Variants in CREB3L2 observed in about 807,000 individuals in gnomAD.
The protein encoded by CREB3L2 is cyclic AMP-responsive element-binding protein 3-like protein 2.
Under a neutral mutation model 57.2 loss-of-function variants are expected in CREB3L2, and 23 were observed. The observed-to-expected ratio is 0.40, with a 90% CI of 0.29 to 0.57. The LOEUF (loss-of-function observed/expected upper bound fraction) is 0.57. Ranked by LOEUF, CREB3L2 falls within the 20% of genes least tolerant of loss-of-function variation. The pLI is 0.42. For missense variants in CREB3L2, 628 were observed against 634.7 expected, an observed-to-expected ratio of 0.99 and a Z score of 0.11; for synonymous variants, 268 against 265.1, an observed-to-expected ratio of 1.01 and a Z score of -0.11.
Position 137,875,880 on chromosome 7 carries a change from C to G in CREB3L2, c.*4596G>C, listed in dbSNP as rs1799138406. 4.5e-6 allele frequency: 1 copy of G among 224,712 alleles called. No homozygotes were observed. The highest frequency in any genetic ancestry group is 2.2e-5 in the African/African-American group (1 of 44,864). The allele number at this position is 224,712 out of a possible 1,614,324, so 13.9% of individuals were successfully genotyped here. ...AGAAACCAAGGCTAAATAAAACATT[C>G]CTGAATTTTATGTTGTCCAAAATAA... On this transcript the variant is annotated 3_prime_UTR_variant, in exon 12 of 12. Coordinates refer to ENST00000330387, the MANE Select transcript of CREB3L2 (RefSeq NM_194071.4).
intron 4 of CREB3L2, among the ~76,000 whole-genome samples, chr7:137,912,651 AG>A (rs1472448604): frequency 6.6e-6 from 1 of 152,196 alleles, no homozygotes; most frequent in African/African-American, 2.4e-5. Context: ...GGGGCTACGT[AG>A]GGTTCACGCC....
chr7:137,888,423 C>A (rs951487269), intron 8 of CREB3L2, among the ~76,000 whole-genome samples: 1 of 152,128 alleles, frequency 6.6e-6, no homozygotes, highest in Non-Finnish European at 1.5e-5. Flanking sequence ...TCTCCCAGGA[C>A]TTCCCCAGAA....
intron 1 of CREB3L2, among the ~76,000 whole-genome samples, chr7:137,972,708 A>ACAAAACAAAAC (rs1554503522): frequency 2.3e-5 from 1 of 42,830 alleles, no homozygotes; most frequent in African/African-American, 1.2e-4. Context: ...AAAAAAAAAA[A>ACAAAACAAAAC]AAAAATATAT....
At chr7:137,940,108 T>G (rs1800855803) in intron 1 of CREB3L2, among the ~76,000 whole-genome samples, 1 of 152,220 alleles carries the variant, frequency 6.6e-6, no homozygotes, top group Non-Finnish European at 1.5e-5. Context: ...TAAGGAAATT[T>G]GGAGGGTTTT....
rs780317387 is a variant in CREB3L2 at position 137,882,490 on chromosome 7, T to C, written c.1409A>G (p.Asp470Gly). 8 of 1,613,878 alleles carry C rather than the reference T, an allele frequency of 5.0e-6. No homozygotes were observed. The South Asian group carries it at 8.8e-5, about 18-fold the overall frequency. ...GATAATGAAATGGGGAAGATCCACA[T>C]CCGGCCTGGACTCCAGCCCTGACAC... ...LRVSGLESRP[D>G]VDLPHFIISN... The change falls in exon 11 of 12, where the codon GAT becomes GGT. Residue 470 changes from aspartate (D) to glycine (G), a missense_variant. Physicochemically the swap from Asp to Gly is moderately conservative, Grantham distance 94. Coordinates refer to ENST00000330387, the MANE Select transcript of CREB3L2 (RefSeq NM_194071.4).
chr7:137,878,132 A>G lies in CREB3L2; in HGVS notation c.*2344T>C, dbSNP rs950730867. 4.8e-5 allele frequency: 11 copies of G among 230,674 alleles called. No homozygotes were observed. The highest frequency in any genetic ancestry group is 7.7e-5 in the Non-Finnish European group (9 of 116,594). The allele number at this position is 230,674 out of a possible 1,614,324, so 14.3% of individuals were successfully genotyped here. Reference sequence around the variant, plus strand: ...TCCTGCTGTTTGGAGGTCGAGAGAGAGTGACGTCAAGCAAGCGTAGTAAGG... The same window carrying G: ...TCCTGCTGTTTGGAGGTCGAGAGAGGGTGACGTCAAGCAAGCGTAGTAAGG... On this transcript the variant is annotated 3_prime_UTR_variant, in exon 12 of 12. Transcript: ENST00000330387.
At chr7:137,975,062 T>C (rs1326921239) in intron 1 of CREB3L2, among the ~76,000 whole-genome samples, 1 of 152,158 alleles carries the variant, frequency 6.6e-6, no homozygotes, top group African/African-American at 2.4e-5. Flanking sequence ...TTTTAGAAAG[T>C]TGCATGAATC....
rs1366868573 is a variant in CREB3L2 at position 137,875,382 on chromosome 7, G to A, written c.*5094C>T. Reference sequence around the variant, plus strand: ...TTTATCTGAAAAGGTGATTTTCTAAGTAGTGTAAGCCATGGGTACATGGTG... The same window carrying A: ...TTTATCTGAAAAGGTGATTTTCTAAATAGTGTAAGCCATGGGTACATGGTG... On this transcript the variant is annotated 3_prime_UTR_variant, in exon 12 of 12. Coordinates refer to ENST00000330387, the MANE Select transcript of CREB3L2 (RefSeq NM_194071.4). The A allele has an allele frequency of 4.5e-6, 1 of 219,922 alleles. No individual in the cohort carries two copies. The highest frequency in any genetic ancestry group is 2.2e-5 in the African/African-American group (1 of 44,592). 13.6% of individuals were successfully genotyped at this position (219,922 alleles called of 1,614,324 possible). A position where few individuals can be genotyped will look rare whatever the true frequency, so the allele number is the denominator to read the frequency against.
At chr7:137,933,845 C>T (rs754519760) in intron 1 of CREB3L2, 1 of 152,262 alleles carries the variant, frequency 6.6e-6, no homozygotes, top group Non-Finnish European at 1.5e-5. Context: ...GCAGACAGGT[C>T]AACATCCCAT....
intron 1 of CREB3L2, among the ~76,000 whole-genome samples, chr7:137,992,119 G>A (rs1319413497): frequency 2.0e-5 from 3 of 151,990 alleles, no homozygotes; most frequent in Admixed American, 6.6e-5. Context: ...TCAAAAGCAG[G>A]CAATTCAACA....
At chr7:137,898,148 TATATGA>T (rs1464536004) in intron 8 of CREB3L2, among the ~76,000 whole-genome samples, 12 of 152,156 alleles carry the variant, frequency 7.9e-5, no homozygotes, top group African/African-American at 2.7e-4. Flanking sequence ...GGTCAACTGG[TATATGA>T]ATAGGTGCTC....
chr7:137,938,525 T>C (rs920402781), intron 1 of CREB3L2, among the ~76,000 whole-genome samples: 1 of 152,046 alleles, frequency 6.6e-6, no homozygotes, highest in Admixed American at 6.5e-5. Flanking sequence ...TTTGTATTTT[T>C]AGTAGAGACG....
chr7:137,899,153 G>GAAGGAAGGAAGA (rs1484562649), intron 8 of CREB3L2, among the ~76,000 whole-genome samples: 14 of 110,592 alleles, frequency 1.3e-4, no homozygotes, highest in Non-Finnish European at 2.6e-4. Context: ...AGGAAGGAAG[G>GAAGGAAGGAAGA]AAGGAAGGAA....
chr7:137,899,379 C>T (rs968761519), intron 8 of CREB3L2, among the ~76,000 whole-genome samples: 16 of 152,360 alleles, frequency 1.1e-4, no homozygotes, highest in Admixed American at 3.9e-4. Flanking sequence ...TGCTCTTCCC[C>T]TTTTCGCCAA....
chr7:137,944,139 G>A (rs1361285222), intron 1 of CREB3L2, among the ~76,000 whole-genome samples: 1 of 152,088 alleles, frequency 6.6e-6, no homozygotes, highest in Admixed American at 6.5e-5. Flanking sequence ...CTTAACTTTT[G>A]AAGTTTGGGC....
rs1411695025 is a variant in CREB3L2 at position 138,001,563 on chromosome 7, C to T, written c.102+41G>A. The T allele has an allele frequency of 8.7e-6, 13 of 1,491,432 alleles. No individual in the cohort carries two copies. The South Asian group carries it at 1.3e-4, about 15-fold the overall frequency. 92.4% of individuals were successfully genotyped at this position (1,491,432 alleles called of 1,614,324 possible). ...CTGCTCCTCGCGTGACAACACTTGC[C>T]CGCTTTGAAAGCCCTCCTGCCCCGC... On this transcript the variant is annotated intron_variant, in intron 1 of 11. Coordinates refer to ENST00000330387, the MANE Select transcript of CREB3L2 (RefSeq NM_194071.4). This position sits in a 1 kb window ranked among gnomAD's most constrained non-coding sequence, Gnocchi z 4.2.
At position 137,908,443 on chromosome 7, in the gene CREB3L2, A is replaced by G; in HGVS notation, c.584-7T>C. On this transcript the variant is annotated splice_polypyrimidine_tract_variant and splice_region_variant and intron_variant, in intron 4 of 11. Coordinates refer to ENST00000330387, the MANE Select transcript of CREB3L2 (RefSeq NM_194071.4). ...TGCAGGTGGTCCACTGGGGCTGCAA[A>G]AAAGGAAGCACATCTCATCCATCCC... 1 of 1,260,432 alleles carries G rather than the reference A, an allele frequency of 7.9e-7. No homozygotes were observed. The allele number at this position is 1,260,432 out of a possible 1,614,324, so 78.1% of individuals were successfully genotyped here.
At chr7:137,886,007 C>T (rs1191285416) in intron 8 of CREB3L2, among the ~76,000 whole-genome samples, 1 of 152,142 alleles carries the variant, frequency 6.6e-6, no homozygotes, top group East Asian at 1.9e-4. Flanking sequence ...GAGTGCTTCC[C>T]TTCCACTATG....
At chr7:137,921,441 T>C (rs756147668) in intron 2 of CREB3L2, among the ~76,000 whole-genome samples, 3 of 152,170 alleles carry the variant, frequency 2.0e-5, no homozygotes, top group South Asian at 2.1e-4. Context: ...GGTGCAGCCA[T>C]GAGCAATGGG....
Sources: gnomAD v4.1 joint callset for allele counts (sites outside exome capture counted in the v4.1 genomes callset) on GRCh38, gnomAD v4.1.1 for gene constraint, Gnocchi (gnomAD v3.1) non-coding constraint, MANE v1.5 for transcripts, NCBI Gene and HGNC (gene_info 2026-07-23, HGNC 2026-07-21) for gene names.